MYO16: variants seen among roughly 807,000 people sequenced by gnomAD.
MYO16 encodes the protein myosin XVI, also known as unconventional myosin-XVI.
A neutral mutation model predicts 205.3 loss-of-function variants in MYO16; 94 were observed. The observed-to-expected ratio is 0.46, with a 90% CI of 0.39 to 0.54. The LOEUF (loss-of-function observed/expected upper bound fraction) is 0.54, where lower values mean the gene tolerates loss of function less well. MYO16 is among the 20% of genes least tolerant of loss of function. The pLI is 0.00. For synonymous variants in MYO16, 988 were observed against 954.0 expected (o/e 1.04, Z -0.66); for missense variants, 2,315 against 2,387.5 (o/e 0.97, Z 0.63).
chr13:108,905,928 C>G (rs1880950455), intron 15 of MYO16, among the ~76,000 whole-genome samples: 1 of 152,232 alleles, frequency 6.6e-6, no homozygotes, highest in Non-Finnish European at 1.5e-5. Context: ...ATTTGCTTGA[C>G]TCGAAGCTCT....
chr13:108,606,629 G>T (rs1264507148), intron 1 of MYO16, among the ~76,000 whole-genome samples: 2 of 152,232 alleles, frequency 1.3e-5, no homozygotes. Context: ...TGCTGCAGGG[G>T]TGGAGCCCTC....
chr13:108,957,646 C>G, intron 16 of MYO16, 42 bp from the exon 17 acceptor site: 1 of 1,410,192 alleles, frequency 7.1e-7, no homozygotes, highest in Non-Finnish European at 1.0e-6. Context: ...GAAGTCTGAC[C>G]GGAAGCCAGG....
intron 4 of MYO16, among the ~76,000 whole-genome samples, chr13:108,729,430 T>C (rs1476814104): frequency 6.6e-6 from 1 of 152,220 alleles, no homozygotes; most frequent in Non-Finnish European, 1.5e-5. Context: ...ATAGTTCAAC[T>C]AGCTGCTTTA....
chr13:108,840,536 CATTT>C (rs1192542189), intron 9 of MYO16, among the ~76,000 whole-genome samples: 3 of 151,934 alleles, frequency 2.0e-5, no homozygotes, highest in African/African-American at 4.8e-5. Context: ...CTTATTTATT[CATTT>C]GTTTCATTAT....
At chr13:108,699,658 G>A (rs1883225038) in intron 2 of MYO16, among the ~76,000 whole-genome samples, 1 of 152,120 alleles carries the variant, frequency 6.6e-6, no homozygotes, top group Non-Finnish European at 1.5e-5. Context: ...TATATGACTG[G>A]TTTCGGTAAG....
intron 31 of MYO16, among the ~76,000 whole-genome samples, chr13:109,128,754 T>C (rs1467369153): frequency 6.6e-6 from 1 of 151,136 alleles, no homozygotes; most frequent in African/African-American, 2.4e-5. Flanking sequence ...GAGCACTTAG[T>C]GTCCACTTTT....
chr13:109,086,386 A>C (rs950357975), intron 27 of MYO16, among the ~76,000 whole-genome samples: 1 of 152,236 alleles, frequency 6.6e-6, no homozygotes, highest in African/African-American at 2.4e-5. Context: ...TCCAGGTAGA[A>C]AGCTTAGATA....
At chr13:108,924,270 C>T (rs1326743690) in intron 16 of MYO16, among the ~76,000 whole-genome samples, 1 of 152,194 alleles carries the variant, frequency 6.6e-6, no homozygotes. Flanking sequence ...GTGTGTCAGA[C>T]CATTCTTCCT....
At chr13:108,587,388 T>C in the MYO16 span, among the ~76,000 whole-genome samples, 297 of 152,292 alleles carry the variant, frequency 2.0e-3, 2 homozygotes, top group African/African-American at 6.3e-3. Flanking sequence ...TCAATTTCTA[T>C]GTTTATTTCA....
chr13:109,182,796 T>C (rs745787883), intron 34 of MYO16, among the ~76,000 whole-genome samples: 2 of 152,238 alleles, frequency 1.3e-5, no homozygotes, highest in Non-Finnish European at 1.5e-5. Context: ...TAGTTGATGT[T>C]GTACTGCATT....
In MYO16 at chr13:108,855,546, A is replaced by G; in HGVS notation, c.1352A>G (p.Gln451Arg). 1.9e-6 allele frequency: 3 copies of G among 1,580,476 alleles called. No homozygotes were observed. The South Asian group carries it at 3.4e-5, about 18-fold the overall frequency. The part of the protein sequence containing the change: ...YEIQKRFGNN[Q>R]IYTFIGDILL... ...ATTCAGAAGCGCTTTGGGAACAATC[A>G]GATCTATGTGAGTGCCCTGGAAATT... The change falls in exon 11 of 35, where the codon CAG becomes CGG. Residue 451 changes from glutamine to arginine, a missense_variant. By Grantham distance (43) the Gln-to-Arg change is conservative. Coordinates refer to ENST00000457511, the MANE Select transcript of MYO16 (RefSeq NM_001198950.3).
At chr13:108,856,256 T>A (rs573951528) in intron 11 of MYO16, among the ~76,000 whole-genome samples, 10 of 152,342 alleles carry the variant, frequency 6.6e-5, no homozygotes, top group Admixed American at 5.9e-4. Flanking sequence ...CACAGAGTAA[T>A]TCAATCAGAA....
intron 32 of MYO16, among the ~76,000 whole-genome samples, chr13:109,155,449 A>G (rs7333746): frequency 0.43 from 65,256 of 152,084 alleles, 14,697 homozygotes; most frequent in Non-Finnish European, 0.49. Flanking sequence ...AGACATTTAA[A>G]GTCAGTAGAG....
intron 33 of MYO16, chr13:109,166,633 T>A (rs1361925558): frequency 2.0e-5 from 3 of 152,222 alleles, no homozygotes; most frequent in Non-Finnish European, 4.4e-5. Flanking sequence ...ACATTCAACA[T>A]ACATTCTTCA....
intron 1 of MYO16, among the ~76,000 whole-genome samples, chr13:108,611,889 C>T (rs1394910852): frequency 6.7e-6 from 1 of 150,004 alleles, no homozygotes; most frequent in African/African-American, 2.5e-5. Flanking sequence ...ACAGAAACAA[C>T]TTATTTCTGC....
chr13:108,609,771 T>C (rs543993331), intron 1 of MYO16, among the ~76,000 whole-genome samples: 3 of 152,222 alleles, frequency 2.0e-5, no homozygotes, highest in Non-Finnish European at 4.4e-5. Context: ...ATATAGGTCA[T>C]GATGGCCCTA....
intron 22 of MYO16, among the ~76,000 whole-genome samples, chr13:109,011,861 A>T (rs1885614291): frequency 6.6e-6 from 1 of 152,162 alleles, no homozygotes; most frequent in Non-Finnish European, 1.5e-5. Flanking sequence ...TAAAACAATT[A>T]AAATATTTAA....
At chr13:109,024,587 C>A (rs930501906) in intron 23 of MYO16, among the ~76,000 whole-genome samples, 1 of 151,998 alleles carries the variant, frequency 6.6e-6, no homozygotes, top group African/African-American at 2.4e-5. Context: ...TTGCTGAATT[C>A]TGATAGAAAT....
chr13:108,547,084 AAC>A, the MYO16 span, among the ~76,000 whole-genome samples: 1 of 152,000 alleles, frequency 6.6e-6, no homozygotes, highest in South Asian at 2.1e-4. Flanking sequence ...CATCCTGGCT[AAC>A]ACAGTGAAAC....
Sources: allele counts gnomAD v4.1 joint callset (sites outside exome capture counted in the v4.1 genomes callset), GRCh38; gene constraint gnomAD v4.1.1; transcripts MANE v1.5; gene names NCBI Gene and HGNC (gene_info 2026-07-23, HGNC 2026-07-21).